The following CNTLN variants were observed in gnomAD, a reference collection of about 807,000 sequenced individuals.
CNTLN encodes the protein centlein, centrosomal protein.
A neutral mutation model predicts 180.0 loss-of-function variants in CNTLN; 212 were observed. That is an observed-to-expected ratio of 1.18 (90% confidence interval 1.05 to 1.32). CNTLN has a LOEUF of 1.32. Among genes scored for constraint, CNTLN ranks in the 40% most tolerant of loss-of-function variants. CNTLN has a pLI of 0.00. For synonymous variants in CNTLN, 722 were observed against 563.1 expected, an observed-to-expected ratio of 1.28 and a Z score of -3.99; for missense variants, 2,095 against 1,610.9, an observed-to-expected ratio of 1.30 and a Z score of -5.14.
rs1450150836 is a variant in CNTLN at position 17,142,031 on chromosome 9, G to A, written c.361-1257G>A. Among the ~76,000 whole-genome samples, 6 of 149,120 alleles carry A rather than the reference G, an allele frequency of 4.0e-5. No individual in the cohort carries two copies. In the East Asian group the frequency reaches 1.0e-3, roughly 25 times the overall value. ...TGGGAGGCAGAGGTTGCAGTGAGCCGAGATTGCGCCACTGCACTCCAGCCT... is the reference window on the plus strand; with the variant it reads ...TGGGAGGCAGAGGTTGCAGTGAGCCAAGATTGCGCCACTGCACTCCAGCCT... On this transcript the variant is annotated intron_variant, in intron 1 of 25. Coordinates refer to ENST00000380647, the MANE Select transcript of CNTLN (RefSeq NM_017738.4).
intron 5 of CNTLN, among the ~76,000 whole-genome samples, chr9:17,265,979 CA>C (rs1204267776): frequency 6.6e-6 from 1 of 151,866 alleles, no homozygotes; most frequent in African/African-American, 2.4e-5. Context: ...TTGATCTTTT[CA>C]AAAAACCAGC....
chr9:17,454,128 G>T (rs989594735), intron 18 of CNTLN, among the ~76,000 whole-genome samples: 1 of 152,208 alleles, frequency 6.6e-6, no homozygotes, highest in Non-Finnish European at 1.5e-5. Context: ...TTATACTGAA[G>T]AGTAAGTTTT....
At chr9:17,225,102 G>C (rs950795326) in intron 2 of CNTLN, among the ~76,000 whole-genome samples, 1 of 151,986 alleles carries the variant, frequency 6.6e-6, no homozygotes, top group Non-Finnish European at 1.5e-5. Context: ...CTCAGTTGCA[G>C]GGTGTTTTGG....
intron 10 of CNTLN, among the ~76,000 whole-genome samples, chr9:17,336,959 C>T (rs941042550): frequency 3.8e-4 from 58 of 152,204 alleles, no homozygotes; most frequent in Admixed American, 7.2e-4. Flanking sequence ...TGTTTCTCCA[C>T]ATCCTCTCTA....
At chr9:17,361,571 C>G (rs990199192) in intron 12 of CNTLN, among the ~76,000 whole-genome samples, 4 of 152,202 alleles carry the variant, frequency 2.6e-5, no homozygotes, top group African/African-American at 9.6e-5. Context: ...CAAAGGAATT[C>G]TTATGCAGAT....
intron 2 of CNTLN, among the ~76,000 whole-genome samples, chr9:17,184,026 T>A (rs76483547): frequency 1.7e-4 from 26 of 152,282 alleles, no homozygotes; most frequent in Admixed American, 8.5e-4. Flanking sequence ...AAGTTTCACA[T>A]TGAGGTCATG....
intron 24 of CNTLN, among the ~76,000 whole-genome samples, chr9:17,486,109 A>C (rs1224209491): frequency 3.3e-5 from 5 of 152,124 alleles, no homozygotes; most frequent in African/African-American, 1.2e-4. Flanking sequence ...TATTTACTAG[A>C]TTTCATTATA....
chr9:17,156,822 G>T (rs1307102242), intron 2 of CNTLN, among the ~76,000 whole-genome samples: 32 of 152,104 alleles, frequency 2.1e-4, no homozygotes, highest in Non-Finnish European at 2.9e-5. Context: ...TATTCAGAAT[G>T]ATTTATAATT....
At chr9:17,316,459 A>C (rs1009046669) in intron 8 of CNTLN, among the ~76,000 whole-genome samples, 1 of 152,102 alleles carries the variant, frequency 6.6e-6, no homozygotes, top group African/African-American at 2.4e-5. Flanking sequence ...ATGTCCTGAT[A>C]AACCTATTGT....
chr9:17,164,958 C>T (rs1250062781), intron 2 of CNTLN, among the ~76,000 whole-genome samples: 1 of 151,310 alleles, frequency 6.6e-6, no homozygotes, highest in Admixed American at 6.6e-5. Flanking sequence ...GCCTCAGCCT[C>T]CCAAGTAGCT....
At chr9:17,259,448 T>C (rs947881227) in intron 5 of CNTLN, among the ~76,000 whole-genome samples, 1 of 146,168 alleles carries the variant, frequency 6.8e-6, no homozygotes, top group African/African-American at 2.7e-5. Flanking sequence ...TTTTTTGTTG[T>C]ATCTCTGCCC....
chr9:17,372,456 A>G lies in CNTLN; in HGVS notation c.1987+5739A>G, dbSNP rs569951942. 3.9e-5 allele frequency among the ~76,000 whole-genome samples: 6 copies of G among 152,256 alleles called. No homozygotes were observed. The South Asian group carries it at 8.3e-4, about 21-fold the overall frequency. ...AATCCAGAGCCTCAACGGAACTATA[A>G]TAAGTAAAGACACTGATGCCATAAT... is the stretch of plus-strand genomic sequence containing the variant. On this transcript the variant is annotated intron_variant, in intron 13 of 25. Coordinates refer to ENST00000380647, the MANE Select transcript of CNTLN (RefSeq NM_017738.4).
intron 6 of CNTLN, among the ~76,000 whole-genome samples, chr9:17,278,650 A>G (rs896815423): frequency 6.6e-6 from 1 of 152,190 alleles, no homozygotes; most frequent in African/African-American, 2.4e-5. Context: ...GTGGATAAAA[A>G]TAAGTTGTTT....
At position 17,211,013 on chromosome 9, in the gene CNTLN, C is replaced by T. The variant is rs189126023; in HGVS notation, c.450-15190C>T. 6.0e-4 allele frequency among the ~76,000 whole-genome samples: 92 copies of T among 152,252 alleles called. 2 individuals are homozygous for T. Among genetic ancestry groups the T allele is most frequent in the African/African-American group, 1.8e-3 (73 of 41,538 alleles). On this transcript the variant is annotated intron_variant, in intron 2 of 25. Transcript: ENST00000380647. ...TCTCCCATTGTGCAGTTTGCCTGTT[C>T]GCTCTGATGGTAGTTTCTTTTGCTG... is the stretch of plus-strand genomic sequence containing the variant.
At chr9:17,463,522 T>G (rs1243356728) in intron 20 of CNTLN, among the ~76,000 whole-genome samples, 1 of 151,624 alleles carries the variant, frequency 6.6e-6, no homozygotes, top group African/African-American at 2.4e-5. Context: ...AAAGCTACAC[T>G]ATTGCTTAGA....
intron 18 of CNTLN, among the ~76,000 whole-genome samples, chr9:17,422,051 C>T (rs1304691726): frequency 6.6e-6 from 1 of 152,084 alleles, no homozygotes; most frequent in African/African-American, 2.4e-5. Flanking sequence ...GTAGAACTCC[C>T]TTTAGCATTT....
At chr9:17,325,180 TTTTTC>T (rs1554689351) in intron 8 of CNTLN, among the ~76,000 whole-genome samples, 4 of 149,572 alleles carry the variant, frequency 2.7e-5, no homozygotes, top group East Asian at 2.0e-4. Flanking sequence ...ATTCTTTTTC[TTTTTC>T]TTTTTTTTAC....
intron 7 of CNTLN, chr9:17,298,943 T>TAAA: frequency 6.1e-6 from 6 of 984,570 alleles, no homozygotes; most frequent in Non-Finnish European, 7.2e-6. Context: ...ATCTACTAAT[T>TAAA]AAAAAAAATA....
At chr9:17,305,640 T>C (rs1818655790) in intron 7 of CNTLN, among the ~76,000 whole-genome samples, 1 of 152,072 alleles carries the variant, frequency 6.6e-6, no homozygotes, top group Non-Finnish European at 1.5e-5. Context: ...GAATTAAACA[T>C]TTGATTACCC....
Sources: gnomAD v4.1 joint callset for allele counts (sites outside exome capture counted in the v4.1 genomes callset) on GRCh38, gnomAD v4.1.1 for gene constraint, MANE v1.5 for transcripts, NCBI Gene and HGNC (gene_info 2026-07-23, HGNC 2026-07-21) for gene names.